The following GPS2 variants were observed in gnomAD, a reference collection of about 807,000 sequenced individuals.
GPS2 encodes the protein GPS-2.
GPS2 carries 22 observed loss-of-function variants against 48.1 expected under a neutral mutation model. That is an observed-to-expected ratio of 0.46 (90% CI 0.33 to 0.65). The LOEUF is 0.65. Ranked by LOEUF, GPS2 falls within the 30% of genes least tolerant of loss-of-function variation. The probability of loss-of-function intolerance (pLI) is 0.03; values close to 1 mark genes in which losing one functional copy is unlikely to be tolerated. For missense variants in GPS2, 366 were observed against 406.8 expected (o/e 0.90, Z 0.86); for synonymous variants, 202 against 142.5 (o/e 1.42, Z -2.98).
rs1484661737 is a variant in GPS2, at chr17:7,314,324, T to C, written c.284A>G (p.His95Arg). Residue 95 changes from histidine (H) to arginine (R), a missense_variant, in exon 4 of 11, where the codon CAT (histidine) becomes CGT (arginine). Physicochemically the swap from His to Arg is conservative, Grantham distance 29. Coordinates refer to ENST00000380728, the MANE Select transcript of GPS2 (RefSeq NM_004489.5). ...QLFLQLKKVL[H>R]EEEKRRRKEQ... is the part of the protein sequence containing the mutation. ...CTTTCGCCTCCGTTTTTCTTCCTCA[T>C]GTAAAACTTTCTTGAGCTGCAGGAA... The C allele has an allele frequency of 6.2e-7, 1 of 1,614,226 alleles. No individual in the cohort carries two copies.
rs902905509 is a variant in GPS2 at position 7,312,685 on chromosome 17, C to T, written c.*71G>A. Reference sequence around the variant, plus strand: ...GCAGTGGCAGGTAGATTTTATTGGCCTGGGACACACAGGGGATACCCTCAC... The same window carrying T: ...GCAGTGGCAGGTAGATTTTATTGGCTTGGGACACACAGGGGATACCCTCAC... On this transcript the variant is annotated 3_prime_UTR_variant, in exon 11 of 11. Transcript: ENST00000380728. The T allele has an allele frequency of 1.6e-6, 2 of 1,227,680 alleles. No homozygotes were observed. The highest frequency in any genetic ancestry group is 3.0e-5 in the African/African-American group (2 of 67,624). 76.0% of individuals were successfully genotyped at this position (1,227,680 alleles called of 1,614,324 possible).
intron 6 of GPS2, 30 bp from the exon 7 acceptor site, chr17:7,313,751 A>G (rs1303786312): frequency 4.3e-6 from 7 of 1,610,114 alleles, no homozygotes; most frequent in South Asian, 1.1e-5. Flanking sequence ...ACTCGCCTAC[A>G]AACTCCTTGA....
intron 9 of GPS2, 37 bp downstream of exon 9, chr17:7,313,175 T>C: frequency 1.2e-6 from 2 of 1,610,040 alleles, no homozygotes; most frequent in Non-Finnish European, 1.7e-6. Context: ...CCCCTTAACA[T>C]ATCCCTAACC....
intron 7 of GPS2, 37 bp downstream of exon 7, chr17:7,313,531 T>A: frequency 6.2e-7 from 1 of 1,613,452 alleles, no homozygotes; most frequent in Non-Finnish European, 8.5e-7. Context: ...TCCTTTGACC[T>A]TGAGGAAGGC....
rs1033994422 is a variant in GPS2 at position 7,314,604 on chromosome 17, A to G, written c.95-7T>C. 1 of 1,613,802 alleles carries G rather than the reference A, an allele frequency of 6.2e-7. No homozygotes were observed. Among genetic ancestry groups the G allele is most frequent in the African/African-American group, 1.3e-5 (1 of 74,858 alleles). On this transcript the variant is annotated splice_polypyrimidine_tract_variant and splice_region_variant and intron_variant, in intron 2 of 10. Coordinates refer to ENST00000380728, the MANE Select transcript of GPS2 (RefSeq NM_004489.5). ...TTATCCACCTCTTCTTCCTCTGGAG[A>G]ATCAGGCAGAATGAAGAAGAGGCAG...
intron 1 of GPS2, 80 bp from the exon 2 acceptor site, chr17:7,315,199 G>A (rs2072922729): frequency 4.6e-6 from 2 of 433,902 alleles, no homozygotes; most frequent in African/African-American, 2.1e-5. Flanking sequence ...CGCCGCCCCG[G>A]TCACGTGTCC....
At position 7,313,372 on chromosome 17, in the gene GPS2, G is replaced by C. The variant is rs367754291; in HGVS notation, c.724+8C>G. ...GAGAGCTAGAGCTCCTGCATGGGATGTTATCACCTGTCTGAGTGGGCTGAA... is the reference window on the plus strand; with the variant it reads ...GAGAGCTAGAGCTCCTGCATGGGATCTTATCACCTGTCTGAGTGGGCTGAA... On this transcript the variant is annotated splice_region_variant and intron_variant, in intron 8 of 10. Transcript: ENST00000380728. 6.2e-7 allele frequency: 1 copy of C among 1,613,612 alleles called. No homozygotes were observed. The highest frequency in any genetic ancestry group is 2.2e-5 in the East Asian group (1 of 44,894).
rs369184510 is a variant in GPS2 at position 7,313,868 on chromosome 17, G to A, written c.480+38C>T. ...ATACTGGTGGCAAGGATGCATGGAT[G>A]GAAGTACTAGGGGCTAGGCATCCAA... On this transcript the variant is annotated intron_variant, in intron 6 of 10. Transcript: ENST00000380728. The A allele has an allele frequency of 3.8e-6, 6 of 1,582,196 alleles. No homozygotes were observed. The African/African-American group carries it at 4.0e-5, about 11-fold the overall frequency.
Position 7,313,347 on chromosome 17 carries a change from G to C in GPS2, c.724+33C>G, listed in dbSNP as rs560198132. The C allele has an allele frequency of 1.3e-4, 214 of 1,611,324 alleles. 1 individual carries two copies. Among genetic ancestry groups the C allele is most frequent in the Middle Eastern group, 9.9e-4 (6 of 6,058 alleles). ...GAATGAAACAGGGAGGGGAGGACCT[G>C]AGAGCTAGAGCTCCTGCATGGGATG... is the stretch of plus-strand genomic sequence containing the variant. On this transcript the variant is annotated intron_variant, in intron 8 of 10. Coordinates refer to ENST00000380728, the MANE Select transcript of GPS2 (RefSeq NM_004489.5).
At chr17:7,314,203 T>C in intron 4 of GPS2, 44 bp from the exon 5 acceptor site, 1 of 1,596,306 alleles carries the variant, frequency 6.3e-7, no homozygotes, top group Non-Finnish European at 8.6e-7. Flanking sequence ...ACAGATGCCT[T>C]CTCTTTTGCC....
At chr17:7,315,141 G>A (rs1189688361) in intron 1 of GPS2, 22 bp from the exon 2 acceptor site, 5 of 984,728 alleles carry the variant, frequency 5.1e-6, no homozygotes, top group Non-Finnish European at 5.6e-6. Context: ...CGGGCGCTCA[G>A]AGGGGGCCGC....
At chr17:7,315,169 G>A (rs539917505) in intron 1 of GPS2, 50 bp from the exon 2 acceptor site, 2 of 587,328 alleles carry the variant, frequency 3.4e-6, no homozygotes, top group East Asian at 3.7e-5. Context: ...CCAGGCGGAA[G>A]CCCGTCCGCC....
In GPS2 at chr17:7,314,089, TGAG is replaced by T. The variant is rs776495886; in HGVS notation, c.385_387del (p.Leu129del). 6.8e-6 allele frequency: 11 copies of T among 1,613,854 alleles called. No homozygotes were observed. The African/African-American group carries it at 1.1e-4, about 16-fold the overall frequency. On this transcript the variant is annotated inframe_deletion, in exon 5 of 11. Transcript: ENST00000380728. ...TTTCTTTAGTCCTCACCCTGCATGC[TGAG>T]GAGATGAGTTCCTGTGTGAACAGTC...
In GPS2 at chr17:7,313,830, G is replaced by A. The variant is rs1190057426; in HGVS notation, c.480+76C>T. The A allele has an allele frequency of 2.6e-6, 4 of 1,566,264 alleles. No individual in the cohort carries two copies. In the African/African-American group the frequency reaches 5.4e-5, roughly 21 times the overall value. ...CCCCCTAAACTTAAGTGCTTGATATGTTTGTGACTTGAATACTGGTGGCAA... is the reference window on the plus strand; with the variant it reads ...CCCCCTAAACTTAAGTGCTTGATATATTTGTGACTTGAATACTGGTGGCAA... On this transcript the variant is annotated intron_variant, in intron 6 of 10. Coordinates refer to ENST00000380728, the MANE Select transcript of GPS2 (RefSeq NM_004489.5).
chr17:7,313,595 C>T lies in GPS2; in HGVS notation c.607G>A (p.Ala203Thr), dbSNP rs762468194. 1 of 1,614,124 alleles carries T rather than the reference C, an allele frequency of 6.2e-7. No homozygotes were observed. Among genetic ancestry groups the T allele is most frequent in the Non-Finnish European group, 8.5e-7 (1 of 1,180,002 alleles). Reference sequence around the variant, plus strand: ...CTGAGCTGCTGACTAGGACTATAAGCTGGCTGTGTGGGCCCATAGTGAGGT... The same window carrying T: ...CTGAGCTGCTGACTAGGACTATAAGTTGGCTGTGTGGGCCCATAGTGAGGT... The part of the protein sequence containing the change: ...PPPHYGPTQP[A>T]YSPSQQLRAP... Residue 203 changes from alanine (A) to threonine (T), a missense_variant, in exon 7 of 11, where the codon GCT becomes ACT. By Grantham distance (58) the Ala-to-Thr change is moderately conservative. This residue lies in a region of GPS2 where 275 missense variants were observed against 282.3 expected (regional missense o/e 0.97). Coordinates refer to ENST00000380728, the MANE Select transcript of GPS2 (RefSeq NM_004489.5).
At chr17:7,315,258 C>A (rs936312662) in intron 1 of GPS2, 73 bp downstream of exon 1, 1 of 321,084 alleles carries the variant, frequency 3.1e-6, no homozygotes, top group Non-Finnish European at 5.6e-6. Flanking sequence ...CCACCGCGCG[C>A]GGGCGGCGCC....
chr17:7,314,469 A>G lies in GPS2; in HGVS notation c.204+19T>C. The G allele has an allele frequency of 6.2e-7, 1 of 1,614,186 alleles. No individual in the cohort carries two copies. Among genetic ancestry groups the G allele is most frequent in the Non-Finnish European group, 8.5e-7 (1 of 1,180,004 alleles). On this transcript the variant is annotated intron_variant, in intron 3 of 10. Transcript: ENST00000380728. ...CAAACGAAGAAATCAAAGCTGGGAA[A>G]GTTCAAGGGACTGCTTACTTGTTCC... is the stretch of plus-strand genomic sequence containing the variant.
Position 7,314,992 on chromosome 17 carries a change from G to C in GPS2, c.61C>G (p.His21Asp). 6.2e-7 allele frequency: 1 copy of C among 1,602,266 alleles called. No homozygotes were observed. The highest frequency in any genetic ancestry group is 8.5e-7 in the Non-Finnish European group (1 of 1,175,152). ...TTGCGCTCCCGCTCCATCATAATGT[G>C]CCGGTGCAGCGCCCTGGCCATGGCG... is the stretch of plus-strand genomic sequence containing the variant. ...SNAMARALHR[H>D]IMMERERKRQ... Residue 21 changes from histidine (H) to aspartate (D), a missense_variant, in exon 2 of 11, where the codon CAC becomes GAC. His to Asp is a moderately conservative substitution (Grantham distance 81). Coordinates refer to ENST00000380728, the MANE Select transcript of GPS2 (RefSeq NM_004489.5).
At position 7,315,056 on chromosome 17, in the gene GPS2, GCTGCCGTGGGCGCTC is replaced by G. The variant is rs1269657956; in HGVS notation, c.-19_-5del. 8 of 1,583,806 alleles carry G rather than the reference GCTGCCGTGGGCGCTC, an allele frequency of 5.1e-6. No individual in the cohort carries two copies. The highest frequency in any genetic ancestry group is 4.3e-6 in the Non-Finnish European group (5 of 1,166,522). ...GGCGCTCCAGGAGTGCGGGCATGGTGCTGCCGTGGGCGCTCGGGCCGTGGGCGCCCGGCTGTCTCT... is the reference window on the plus strand; with the variant it reads ...GGCGCTCCAGGAGTGCGGGCATGGTGGGGCCGTGGGCGCCCGGCTGTCTCT... On this transcript the variant is annotated 5_prime_UTR_variant, in exon 2 of 11. Coordinates refer to ENST00000380728, the MANE Select transcript of GPS2 (RefSeq NM_004489.5).
Sources: allele counts gnomAD v4.1 joint callset, GRCh38; gene constraint gnomAD v4.1.1; regional missense constraint gnomAD v4.1.1; transcripts MANE v1.5; gene names NCBI Gene and HGNC (gene_info 2026-07-23, HGNC 2026-07-21).